Variants in MME observed in about 807,000 individuals in gnomAD.
MME encodes neprilysin.
A neutral mutation model predicts 113.2 loss-of-function variants in MME; 98 were observed. The observed-to-expected ratio is 0.87, with a 90% confidence interval of 0.74 to 1.02. The LOEUF is 1.02. MME is among the 50% of genes least tolerant of loss of function. The pLI, the probability that MME is intolerant of heterozygous loss-of-function variation, is 0.00. For synonymous variants in MME, 292 were observed against 300.6 expected, an observed-to-expected ratio of 0.97 and a Z score of 0.30; for missense variants, 836 against 896.0, an observed-to-expected ratio of 0.93 and a Z score of 0.86.
intron 1 of MME, chr3:155,081,832 C>G (rs1382347152): frequency 1.3e-5 from 2 of 152,116 alleles, no homozygotes; most frequent in Non-Finnish European, 2.9e-5. Context: ...ATTAAACTTG[C>G]ATCATTTCTG....
Position 155,049,671 on chromosome 3 carries a change from C to CTATA in MME, c.-11+25352_-11+25355dup, listed in dbSNP as rs60402470. On this transcript the variant is annotated intron_variant, in intron 1 of 22. Coordinates refer to the MME transcript ENST00000492661. ...TCTATCTATCTATCTATCTATCTAT[C>CTATA]TATATATAGAGAGAGAACAGAATGT... Among the ~76,000 whole-genome samples, 1,060 of 108,318 alleles carry CTATA rather than the reference C, an allele frequency of 9.8e-3. 15 individuals are homozygous for CTATA. Among genetic ancestry groups the CTATA allele is most frequent in the African/African-American group, 0.029 (938 of 32,384 alleles). The allele number at this position is 108,318 out of a possible 152,430, so 71.1% of individuals were successfully genotyped here. A position where few individuals can be genotyped will look rare whatever the true frequency, so the allele number is the denominator to read the frequency against.
At chr3:155,028,818 T>G (rs1712870791) in intron 1 of MME, among the ~76,000 whole-genome samples, 1 of 152,184 alleles carries the variant, frequency 6.6e-6, no homozygotes, top group Non-Finnish European at 1.5e-5. Context: ...TTGCCTCTCT[T>G]GGACTTCTAG....
intron 16 of MME, 23 bp from the exon 17 acceptor site, chr3:155,160,367 A>G (rs751896511): frequency 1.9e-6 from 3 of 1,541,528 alleles, no homozygotes; most frequent in East Asian, 2.2e-5. Context: ...ATCATTTGTA[A>G]AGAGTTCTTA....
At chr3:155,041,676 T>A (rs1472889032) in intron 1 of MME, among the ~76,000 whole-genome samples, 1 of 152,126 alleles carries the variant, frequency 6.6e-6, no homozygotes, top group Non-Finnish European at 1.5e-5. Context: ...GTCGTAAAAC[T>A]CCAGGGTCTC....
intron 22 of MME, among the ~76,000 whole-genome samples, chr3:155,175,724 A>G (rs577596917): frequency 4.3e-4 from 65 of 152,050 alleles, no homozygotes; most frequent in African/African-American, 1.5e-3. Context: ...TCACAGCTTA[A>G]TTTCTAATAT....
At chr3:155,087,465 C>T (rs766212106) in intron 3 of MME, among the ~76,000 whole-genome samples, 4 of 151,962 alleles carry the variant, frequency 2.6e-5, no homozygotes, top group Non-Finnish European at 5.9e-5. Context: ...GGGGGATCTC[C>T]GTGGTCATGT....
intron 1 of MME, among the ~76,000 whole-genome samples, chr3:155,061,991 T>C (rs1269691445): frequency 6.6e-6 from 1 of 152,190 alleles, no homozygotes; most frequent in Non-Finnish European, 1.5e-5. Context: ...CTTTTACATT[T>C]TCTAGGTACA....
chr3:155,095,236 T>C (rs942212607), intron 3 of MME, among the ~76,000 whole-genome samples: 1 of 152,206 alleles, frequency 6.6e-6, no homozygotes, highest in Non-Finnish European at 1.5e-5. Flanking sequence ...TTAAGGGGTA[T>C]AGGAATTGCC....
At chr3:155,088,695 A>G (rs574727901) in intron 3 of MME, among the ~76,000 whole-genome samples, 12 of 151,936 alleles carry the variant, frequency 7.9e-5, no homozygotes, top group South Asian at 2.1e-4. Flanking sequence ...AAAAAAAAAA[A>G]AAAAGAAAAG....
At chr3:155,171,149 G>A (rs1711896666) in intron 20 of MME, among the ~76,000 whole-genome samples, 1 of 152,126 alleles carries the variant, frequency 6.6e-6, no homozygotes, top group Non-Finnish European at 1.5e-5. Flanking sequence ...CCTAGAGCAA[G>A]TACAGAATTG....
At chr3:155,126,942 G>T (rs1302519749) in intron 8 of MME, among the ~76,000 whole-genome samples, 1 of 151,048 alleles carries the variant, frequency 6.6e-6, no homozygotes. Flanking sequence ...AGGAGATAAA[G>T]GTTGCAGTGA....
intron 18 of MME, 39 bp from the exon 19 acceptor site, chr3:155,168,453 G>A (rs775330263): frequency 1.3e-6 from 2 of 1,548,262 alleles, no homozygotes; most frequent in Admixed American, 3.4e-5. Context: ...AATTCTTGTT[G>A]CAATGAGTTC....
At chr3:155,158,328 C>T (rs1031698667) in intron 16 of MME, 1 of 152,034 alleles carries the variant, frequency 6.6e-6, no homozygotes, top group Non-Finnish European at 1.5e-5. Flanking sequence ...GACCTAGATA[C>T]CTGTTAAATT....
chr3:155,052,878 C>A (rs1446909845), intron 1 of MME, among the ~76,000 whole-genome samples: 1 of 152,144 alleles, frequency 6.6e-6, no homozygotes, highest in Non-Finnish European at 1.5e-5. Flanking sequence ...TTATGCTCTG[C>A]CTTCTGTTGA....
Position 155,168,600 on chromosome 3 carries a change from C to T in MME, c.1889C>T (p.Ser630Phe), listed in dbSNP as rs200787530. The change falls in exon 19 of 23, where the codon TCC becomes TTC. Residue 630 changes from serine to phenylalanine, a missense_variant. Ser to Phe is a radical substitution (Grantham distance 155). Coordinates refer to ENST00000360490, the MANE Select transcript of MME (RefSeq NM_007289.4). ...QCMVYQYGNFSWDLAGGQHLN... is the reference protein window; with the variant it reads ...QCMVYQYGNFFWDLAGGQHLN... Reference sequence around the variant, plus strand: ...ATGGTGTATCAGTATGGAAACTTTTCCTGGGACCTGGCAGGTGGACAGCAC... The same window carrying T: ...ATGGTGTATCAGTATGGAAACTTTTTCTGGGACCTGGCAGGTGGACAGCAC... 8 of 1,613,824 alleles carry T rather than the reference C, an allele frequency of 5.0e-6. No individual in the cohort carries two copies. The South Asian group carries it at 5.5e-5, about 11-fold the overall frequency.
At chr3:155,092,380 G>A (rs1258335575) in intron 3 of MME, among the ~76,000 whole-genome samples, 1 of 152,092 alleles carries the variant, frequency 6.6e-6, no homozygotes, top group Non-Finnish European at 1.5e-5. Context: ...ATTAATGGTG[G>A]GAATGTAAAT....
At chr3:155,057,185 G>T (rs555683975) in intron 1 of MME, among the ~76,000 whole-genome samples, 1 of 151,906 alleles carries the variant, frequency 6.6e-6, no homozygotes, top group Non-Finnish European at 1.5e-5. Context: ...GAAAATTTTC[G>T]CAACCTACTC....
chr3:155,061,661 GTT>G lies in MME; in HGVS notation c.-10-22480_-10-22479del, dbSNP rs1194964540. The stretch of plus-strand genomic sequence containing the variant: ...ATTAATTCTAACAATTTATCTGTAG[GTT>G]TTTTTTTTTTTTTTTTGAGACAGAG... On this transcript the variant is annotated intron_variant, in intron 1 of 22. Coordinates refer to the MME transcript ENST00000492661. 9.8e-3 allele frequency among the ~76,000 whole-genome samples: 1,309 copies of G among 133,664 alleles called. 17 individuals are homozygous for G. Among genetic ancestry groups the G allele is most frequent in the African/African-American group, 0.035 (1,243 of 35,628 alleles). 87.7% of individuals were successfully genotyped at this position (133,664 alleles called of 152,430 possible).
At chr3:155,125,190 T>C (rs1719522135) in intron 8 of MME, among the ~76,000 whole-genome samples, 1 of 148,690 alleles carries the variant, frequency 6.7e-6, no homozygotes, top group Non-Finnish European at 1.5e-5. Context: ...TCCAGGTGCG[T>C]CCGTCACCCC....
Sources: gnomAD v4.1 joint callset for allele counts (sites outside exome capture counted in the v4.1 genomes callset) on GRCh38, gnomAD v4.1.1 for gene constraint, MANE v1.5 for transcripts, NCBI Gene and HGNC (gene_info 2026-07-23, HGNC 2026-07-21) for gene names.